The following EDIL3 variants were observed in gnomAD, a reference collection of about 807,000 sequenced individuals.
EDIL3 encodes the protein EGF like and discoidin domains 3, also known as EGF-like repeat and discoidin I-like domain-containing protein 3.
EDIL3 carries 37 observed loss-of-function variants against 67.4 expected under a neutral mutation model. The observed-to-expected ratio is 0.55, with a 90% CI of 0.42 to 0.72. The LOEUF (loss-of-function observed/expected upper bound fraction) is 0.72, where lower values mean the gene tolerates loss of function less well. Among genes scored for constraint, EDIL3 ranks in the 30% least tolerant of loss-of-function variants. The probability of loss-of-function intolerance (pLI) is 0.00; values close to 1 mark genes in which losing one functional copy is unlikely to be tolerated. For missense variants in EDIL3, 527 were observed against 586.3 expected (o/e 0.90, Z 1.04); for synonymous variants, 195 against 196.3 (o/e 0.99, Z 0.05).
intron 3 of EDIL3, among the ~76,000 whole-genome samples, chr5:84,208,606 G>A (rs1333946293): frequency 1.3e-5 from 2 of 148,644 alleles, no homozygotes; most frequent in Non-Finnish European, 3.0e-5. Context: ...GTGAACCCGG[G>A]AAGCGGAGCT....
intron 5 of EDIL3, among the ~76,000 whole-genome samples, chr5:84,124,193 C>T (rs539357546): frequency 6.6e-6 from 1 of 151,982 alleles, no homozygotes; most frequent in East Asian, 1.9e-4. Flanking sequence ...GAAACAATGT[C>T]TATTTTACCG....
chr5:84,234,968 A>C (rs1021680977), intron 2 of EDIL3, among the ~76,000 whole-genome samples: 1 of 152,026 alleles, frequency 6.6e-6, no homozygotes, highest in South Asian at 2.1e-4. Flanking sequence ...AGTGCTCTAC[A>C]TGTGTGTGTA....
Position 84,128,418 on chromosome 5 carries a change from C to T in EDIL3, c.469+8823G>A, listed in dbSNP as rs141386836. On this transcript the variant is annotated intron_variant, in intron 5 of 10. Coordinates refer to ENST00000296591, the MANE Select transcript of EDIL3 (RefSeq NM_005711.5). ...ACCAATTGAACCTCACTCTGACAGT[C>T]GGCCCAAAATTTCACCTAAGTACCC... Among the ~76,000 whole-genome samples, 528 of 152,120 alleles carry T rather than the reference C, an allele frequency of 3.5e-3. 5 individuals carry two copies. Among genetic ancestry groups the T allele is most frequent in the African/African-American group, 0.012 (506 of 41,526 alleles).
chr5:84,249,381 ATCT>A (rs1744975669), intron 2 of EDIL3, among the ~76,000 whole-genome samples: 1 of 13,590 alleles, frequency 7.4e-5, no homozygotes, highest in African/African-American at 2.9e-4. Flanking sequence ...ATATCTTTCT[ATCT>A]ATCTATCTAT....
chr5:84,095,797 A>G (rs1580324639), intron 6 of EDIL3, among the ~76,000 whole-genome samples: 1 of 152,334 alleles, frequency 6.6e-6, no homozygotes, highest in East Asian at 1.9e-4. Context: ...TGAGGAGCTG[A>G]ATGTTAATCC....
intron 3 of EDIL3, among the ~76,000 whole-genome samples, chr5:84,205,282 C>T (rs1239401928): frequency 6.6e-6 from 1 of 151,896 alleles, no homozygotes; most frequent in African/African-American, 2.4e-5. Flanking sequence ...ATATATGTTC[C>T]ACATTTTTTG....
chr5:84,355,292 T>C (rs1387631764), intron 1 of EDIL3, among the ~76,000 whole-genome samples: 1 of 152,050 alleles, frequency 6.6e-6, no homozygotes, highest in African/African-American at 2.4e-5. Flanking sequence ...GGTACTTGTG[T>C]ATGCTTCACG....
intron 6 of EDIL3, among the ~76,000 whole-genome samples, chr5:84,098,439 T>C (rs926608496): frequency 6.6e-6 from 1 of 152,150 alleles, no homozygotes; most frequent in African/African-American, 2.4e-5. Context: ...TGGTATATCA[T>C]TTGATTTCAC....
chr5:84,332,222 A>G (rs910130534), intron 1 of EDIL3, among the ~76,000 whole-genome samples: 1 of 151,964 alleles, frequency 6.6e-6, no homozygotes, highest in East Asian at 1.9e-4. Flanking sequence ...AAAACAAAAA[A>G]TTAGCCAGGC....
At chr5:84,005,724 T>C (rs538175921) in intron 9 of EDIL3, among the ~76,000 whole-genome samples, 13 of 152,134 alleles carry the variant, frequency 8.5e-5, no homozygotes, top group African/African-American at 2.9e-4. Context: ...TCATACTGAA[T>C]GGGCAAAAGC....
Position 84,180,017 on chromosome 5 carries a change from T to TA in EDIL3, c.355+375_355+376insT, listed in dbSNP as rs955864441. ...GGCAGTTTTGTGTTTTGTTTTTTTT[T>TA]TTCTGGGTATCATCTCTGAACCTAA... is the stretch of plus-strand genomic sequence containing the variant. On this transcript the variant is annotated intron_variant, in intron 4 of 10. Transcript: ENST00000296591. Among the ~76,000 whole-genome samples, 142 of 151,844 alleles carry TA rather than the reference T, an allele frequency of 9.4e-4. 1 individual carries two copies. The highest frequency in any genetic ancestry group is 3.2e-3 in the African/African-American group (134 of 41,482).
chr5:84,377,972 T>C (rs1748001059), intron 1 of EDIL3, among the ~76,000 whole-genome samples: 1 of 152,216 alleles, frequency 6.6e-6, no homozygotes, highest in Non-Finnish European at 1.5e-5. Flanking sequence ...TAATGCATAT[T>C]TTAAAACAAA....
chr5:83,956,785 G>A (rs1414686584), intron 10 of EDIL3, among the ~76,000 whole-genome samples: 1 of 151,566 alleles, frequency 6.6e-6, no homozygotes, highest in African/African-American at 2.4e-5. Context: ...CAATATCCAT[G>A]ATGTGCTTAT....
At chr5:84,015,088 T>G (rs948208887) in intron 9 of EDIL3, among the ~76,000 whole-genome samples, 4 of 152,138 alleles carry the variant, frequency 2.6e-5, no homozygotes, top group African/African-American at 9.7e-5. Flanking sequence ...GACACTTAGA[T>G]GGGTTGAGGA....
chr5:84,212,869 T>C (rs1265547718), intron 3 of EDIL3, among the ~76,000 whole-genome samples: 1 of 152,110 alleles, frequency 6.6e-6, no homozygotes, highest in Non-Finnish European at 1.5e-5. Context: ...CCAGTTTTCA[T>C]TGGTTCTCTC....
At chr5:84,309,150 T>A (rs1746329398) in intron 1 of EDIL3, among the ~76,000 whole-genome samples, 1 of 152,154 alleles carries the variant, frequency 6.6e-6, no homozygotes, top group East Asian at 1.9e-4. Context: ...TGTTGAAGAT[T>A]AGTATCTCAT....
At chr5:84,105,545 G>T (rs770305156) in intron 6 of EDIL3, among the ~76,000 whole-genome samples, 1 of 151,928 alleles carries the variant, frequency 6.6e-6, no homozygotes, top group East Asian at 1.9e-4. Flanking sequence ...TCACATCAGG[G>T]ATTTCCATGT....
chr5:84,028,755 A>G (rs1200571060), intron 9 of EDIL3, among the ~76,000 whole-genome samples: 2 of 152,090 alleles, frequency 1.3e-5, no homozygotes, highest in African/African-American at 2.4e-5. Flanking sequence ...TCTTAAATAT[A>G]TATATATACA....
At chr5:84,292,405 C>T (rs998529489) in intron 1 of EDIL3, among the ~76,000 whole-genome samples, 1 of 151,968 alleles carries the variant, frequency 6.6e-6, no homozygotes, top group Admixed American at 6.6e-5. Context: ...ACATAGTGTC[C>T]CGGAGCCAGG....
Sources: gnomAD v4.1 joint callset for allele counts (sites outside exome capture counted in the v4.1 genomes callset) on GRCh38, gnomAD v4.1.1 for gene constraint, MANE v1.5 for transcripts, NCBI Gene and HGNC (gene_info 2026-07-23, HGNC 2026-07-21) for gene names.